SCN2A: variants seen among roughly 807,000 people sequenced by gnomAD.
SCN2A encodes the protein sodium voltage-gated channel alpha subunit 2.
SCN2A carries 20 observed loss-of-function variants against 188.7 expected under a neutral mutation model. The observed-to-expected ratio is 0.11, with a 90% confidence interval of 0.07 to 0.15. The LOEUF (loss-of-function observed/expected upper bound fraction) is 0.15. Ranked by LOEUF, SCN2A falls within the 10% of genes least tolerant of loss-of-function variation. SCN2A has a pLI of 1.00. For missense variants in SCN2A, 1,278 were observed against 2,445.0 expected, an observed-to-expected ratio of 0.52 and a Z score of 10.07; for synonymous variants, 804 against 833.1, an observed-to-expected ratio of 0.97 and a Z score of 0.60.
At chr2:165,305,047 A>G (rs1000161115) in intron 3 of SCN2A, among the ~76,000 whole-genome samples, 1 of 152,206 alleles carries the variant, frequency 6.6e-6, no homozygotes, top group African/African-American at 2.4e-5. Context: ...GCTAGTCTTG[A>G]CAGACACTTG....
chr2:165,381,339 G>T, intron 25 of SCN2A, 142 bp downstream of exon 25: 1 of 573,440 alleles, frequency 1.7e-6, no homozygotes, highest in Non-Finnish European at 3.2e-6. Context: ...AGCCTAAATA[G>T]CTTGAAAAAT....
chr2:165,353,818 G>A (rs188733719), intron 16 of SCN2A, among the ~76,000 whole-genome samples: 1 of 152,222 alleles, frequency 6.6e-6, no homozygotes, highest in Non-Finnish European at 1.5e-5. Context: ...GTCTAGTGCT[G>A]GGGATTACAA....
intron 1 of SCN2A, among the ~76,000 whole-genome samples, chr2:165,257,488 T>C (rs980465906): frequency 5.9e-5 from 9 of 152,136 alleles, no homozygotes; most frequent in African/African-American, 1.9e-4. Context: ...TGGTATCTCA[T>C]TGTGGTTTTT....
At chr2:165,247,658 G>A (rs1559313905) in intron 1 of SCN2A, among the ~76,000 whole-genome samples, 1 of 152,058 alleles carries the variant, frequency 6.6e-6, no homozygotes, top group East Asian at 1.9e-4. Flanking sequence ...CATTATTTGG[G>A]TGTCCCTGAT....
At chr2:165,280,897 A>G (rs996977417) in intron 1 of SCN2A, among the ~76,000 whole-genome samples, 2 of 152,216 alleles carry the variant, frequency 1.3e-5, no homozygotes, top group Non-Finnish European at 2.9e-5. Context: ...GTACAGAGAC[A>G]AATAATAAAC....
chr2:165,270,474 T>C (rs1366958133), intron 1 of SCN2A: 1 of 152,120 alleles, frequency 6.6e-6, no homozygotes, highest in African/African-American at 2.4e-5. Flanking sequence ...AATAGAGTTT[T>C]CTTCTTAATA....
At chr2:165,304,814 T>C (rs1697028399) in intron 3 of SCN2A, among the ~76,000 whole-genome samples, 1 of 152,132 alleles carries the variant, frequency 6.6e-6, no homozygotes, top group South Asian at 2.1e-4. Flanking sequence ...AAAATGAAAC[T>C]GGAGAAGTAG....
intron 1 of SCN2A, chr2:165,269,557 G>A (rs1054752632): frequency 6.6e-6 from 1 of 151,934 alleles, no homozygotes; most frequent in African/African-American, 2.4e-5. Context: ...TTGAATTAAT[G>A]AAATATACAC....
intron 19 of SCN2A, 74 bp downstream of exon 19, chr2:165,367,445 A>G: frequency 1.4e-6 from 2 of 1,474,402 alleles, no homozygotes; most frequent in Non-Finnish European, 1.9e-6. Context: ...AACTCATATT[A>G]CCCACTTTTA....
At chr2:165,272,867 A>G (rs776831152) in intron 1 of SCN2A, 3 of 151,936 alleles carry the variant, frequency 2.0e-5, no homozygotes, top group Non-Finnish European at 2.9e-5. Flanking sequence ...CTCTGTGTTC[A>G]TGCCTTTAAC....
At chr2:165,314,246 T>C in intron 10 of SCN2A, 138 bp downstream of exon 10, 1 of 815,622 alleles carries the variant, frequency 1.2e-6, no homozygotes, top group Non-Finnish European at 2.0e-6. Flanking sequence ...TGTTTGGTTA[T>C]TAAGAAGTTA....
intron 16 of SCN2A, among the ~76,000 whole-genome samples, chr2:165,348,888 G>A (rs1463077788): frequency 6.6e-6 from 1 of 152,138 alleles, no homozygotes; most frequent in East Asian, 1.9e-4. Flanking sequence ...GCTTCTTCCA[G>A]GGAAGGTGAT....
intron 23 of SCN2A, among the ~76,000 whole-genome samples, chr2:165,379,580 A>G (rs1380895769): frequency 1.3e-5 from 2 of 151,750 alleles, no homozygotes; most frequent in Non-Finnish European, 3.0e-5. Flanking sequence ...TTTATGTATT[A>G]TGCACTTTCC....
chr2:165,375,605 T>C (rs990781920), intron 22 of SCN2A, among the ~76,000 whole-genome samples: 3 of 152,026 alleles, frequency 2.0e-5, no homozygotes, highest in Admixed American at 2.0e-4. Context: ...TTTTCAGAAT[T>C]ACTATGTCCG....
chr2:165,248,842 A>G (rs575281161), intron 1 of SCN2A, among the ~76,000 whole-genome samples: 86 of 152,276 alleles, frequency 5.6e-4, no homozygotes, highest in Non-Finnish European at 9.4e-4. Context: ...GAATCTTAGA[A>G]ACTTAAATTT....
intron 1 of SCN2A, chr2:165,245,566 C>T (rs1439804): frequency 0.15 from 22,795 of 152,134 alleles, 1,770 homozygotes; most frequent in South Asian, 0.23. Flanking sequence ...TGAGGGAGCC[C>T]AGCAATTGTC....
chr2:165,291,345 G>GTCGT (rs200653522), intron 1 of SCN2A, among the ~76,000 whole-genome samples: 54 of 102,732 alleles, frequency 5.3e-4, no homozygotes, highest in African/African-American at 1.9e-3. Context: ...GGACTTGTCT[G>GTCGT]TCGTTCGTTC....
chr2:165,373,526 T>A (rs1024056916), intron 21 of SCN2A, among the ~76,000 whole-genome samples, 179 bp downstream of exon 21: 37 of 152,156 alleles, frequency 2.4e-4, no homozygotes, highest in African/African-American at 8.0e-4. Flanking sequence ...CTGGAGTCAC[T>A]CACAGAGTAG....
chr2:165,299,302 G>C (rs981766768), intron 3 of SCN2A, among the ~76,000 whole-genome samples: 3 of 152,066 alleles, frequency 2.0e-5, no homozygotes, highest in Admixed American at 2.0e-4. Context: ...GCTTCCTGGG[G>C]GAAAGAACTC....
Sources: gnomAD v4.1 joint callset for allele counts (sites outside exome capture counted in the v4.1 genomes callset) on GRCh38, gnomAD v4.1.1 for gene constraint, MANE v1.5 for transcripts, NCBI Gene and HGNC (gene_info 2026-07-23, HGNC 2026-07-21) for gene names.